FMNL2: variants seen among roughly 807,000 people sequenced by gnomAD.
FMNL2 encodes formin-like protein 2.
Under a neutral mutation model 130.2 loss-of-function variants are expected in FMNL2, and 51 were observed. The observed-to-expected ratio is 0.39, with a 90% CI of 0.31 to 0.49. The LOEUF (loss-of-function observed/expected upper bound fraction) is 0.49. Ranked by LOEUF, FMNL2 falls within the 20% of genes least tolerant of loss-of-function variation. The pLI is 0.85. For missense variants in FMNL2, 977 were observed against 1,316.2 expected (o/e 0.74, Z 3.99); for synonymous variants, 465 against 467.1 (o/e 1.00, Z 0.06).
rs140645684 is a variant in FMNL2, at chr2:152,471,076, C to T, written c.118-50867C>T. Among the ~76,000 whole-genome samples, 30 of 152,050 alleles carry T rather than the reference C, an allele frequency of 2.0e-4. 1 individual carries two copies. The East Asian group carries it at 4.6e-3, about 23-fold the overall frequency. ...GTTTGGCTTCACATAAGAGACCTCC[C>T]TTTCATGTCTAAAGAGGCAAGGAAT... On this transcript the variant is annotated intron_variant, in intron 1 of 25. Transcript: ENST00000288670.
chr2:152,426,765 G>A (rs1032425179), intron 1 of FMNL2, among the ~76,000 whole-genome samples: 1 of 151,962 alleles, frequency 6.6e-6, no homozygotes, highest in Non-Finnish European at 1.5e-5. Context: ...TAGAAAAGCT[G>A]TTTATAGCCT....
Position 152,619,555 on chromosome 2 carries a change from C to CA in FMNL2, c.1674_1675insA (p.Pro559ThrfsTer22). The CA allele has an allele frequency of 4.5e-6, 3 of 669,268 alleles. No individual in the cohort carries two copies. The highest frequency in any genetic ancestry group is 5.3e-5 in the African/African-American group (1 of 18,902). 41.5% of individuals were successfully genotyped at this position (669,268 alleles called of 1,614,324 possible). A position where few individuals can be genotyped will look rare whatever the true frequency, so the allele number is the denominator to read the frequency against. On this transcript the variant is annotated frameshift_variant, in exon 15 of 26. Coordinates refer to ENST00000288670, the MANE Select transcript of FMNL2 (RefSeq NM_052905.4). LOFTEE classifies it high-confidence loss of function. ...CACCTATGCCACCGCCGCCGCCGCCCCCTCCTCCACCTCCTCCTCCCCCAC... is the reference window on the plus strand; with the variant it reads ...CACCTATGCCACCGCCGCCGCCGCCCACCTCCTCCACCTCCTCCTCCCCCAC...
chr2:152,364,394 G>A (rs976079439), intron 1 of FMNL2, among the ~76,000 whole-genome samples: 6 of 150,694 alleles, frequency 4.0e-5, no homozygotes, highest in African/African-American at 1.2e-4. Context: ...CCTAAGGGGT[G>A]AATGAAAAGA....
intron 1 of FMNL2, among the ~76,000 whole-genome samples, chr2:152,372,315 T>G (rs972413039): frequency 1.3e-5 from 2 of 152,232 alleles, no homozygotes; most frequent in Non-Finnish European, 2.9e-5. Context: ...GTGTCAGATT[T>G]ATGTTTCCTA....
intron 6 of FMNL2, among the ~76,000 whole-genome samples, chr2:152,568,772 A>C (rs754675697): frequency 6.6e-6 from 1 of 152,138 alleles, no homozygotes; most frequent in Non-Finnish European, 1.5e-5. Context: ...TGAGAACAGC[A>C]TGGAGGTAAC....
chr2:152,423,280 C>T (rs947356025), intron 1 of FMNL2, among the ~76,000 whole-genome samples: 7 of 152,296 alleles, frequency 4.6e-5, no homozygotes, highest in East Asian at 1.9e-4. Flanking sequence ...TCATTGAATT[C>T]GTTGATTCCT....
chr2:152,381,755 C>T (rs528025919), intron 1 of FMNL2, among the ~76,000 whole-genome samples: 1 of 152,064 alleles, frequency 6.6e-6, no homozygotes, highest in African/African-American at 2.4e-5. Flanking sequence ...AAATGTACTG[C>T]TTTAAGAAAC....
At position 152,357,984 on chromosome 2, in the gene FMNL2, A is replaced by G. The variant is rs1419017748; in HGVS notation, c.117+22264A>G. ...TTAACATTTGAGTCAGTCAACTGGG[A>G]GAGGCAGATCCACCCTCAATCTGGG... On this transcript the variant is annotated intron_variant, in intron 1 of 25. Transcript: ENST00000288670. Among the ~76,000 whole-genome samples the G allele has an allele frequency of 2.0e-5, 3 of 152,158 alleles. No homozygotes were observed. In the East Asian group the frequency reaches 5.8e-4, roughly 29 times the overall value.
chr2:152,484,498 G>A (rs1301812568), intron 1 of FMNL2, among the ~76,000 whole-genome samples: 1 of 151,876 alleles, frequency 6.6e-6, no homozygotes, highest in East Asian at 1.9e-4. Context: ...ATAGCTGGAA[G>A]TGGTGGTGCC....
intron 1 of FMNL2, among the ~76,000 whole-genome samples, chr2:152,359,053 A>G (rs1027602848): frequency 6.6e-6 from 1 of 152,242 alleles, no homozygotes; most frequent in African/African-American, 2.4e-5. Flanking sequence ...ACATGGCACT[A>G]GATGTGAGTA....
At chr2:152,517,181 G>T (rs7600568) in intron 1 of FMNL2, among the ~76,000 whole-genome samples, 52,512 of 152,138 alleles carry the variant, frequency 0.35, 9,257 homozygotes, top group East Asian at 0.54. Flanking sequence ...TCCCCCGTGA[G>T]TTTTTTTTGG....
At chr2:152,502,853 G>A (rs1161459857) in intron 1 of FMNL2, among the ~76,000 whole-genome samples, 2 of 152,186 alleles carry the variant, frequency 1.3e-5, no homozygotes, top group African/African-American at 4.8e-5. Flanking sequence ...GACATACAAG[G>A]GGTGAGGCTA....
Position 152,636,422 on chromosome 2 carries a change from T to C in FMNL2, c.2681-5T>C, listed in dbSNP as rs766349554. The C allele has an allele frequency of 3.1e-6, 5 of 1,609,112 alleles. No homozygotes were observed. Among genetic ancestry groups the C allele is most frequent in the Middle Eastern group, 3.3e-4 (2 of 6,054 alleles). On this transcript the variant is annotated splice_region_variant and splice_polypyrimidine_tract_variant and intron_variant, in intron 21 of 25. Transcript: ENST00000288670. Reference sequence around the variant, plus strand: ...TTTCACTGGGATGTTCTTTCTCTGCTTTAGTCTCCCTTGAGAATGTTTTGC... The same window carrying C: ...TTTCACTGGGATGTTCTTTCTCTGCCTTAGTCTCCCTTGAGAATGTTTTGC...
intron 9 of FMNL2, among the ~76,000 whole-genome samples, chr2:152,581,990 A>C (rs1174757908): frequency 6.6e-6 from 1 of 152,158 alleles, no homozygotes; most frequent in Admixed American, 6.5e-5. Flanking sequence ...TTTATTGAGA[A>C]CCTACTATAT....
intron 1 of FMNL2, 28 bp downstream of exon 1, chr2:152,335,748 G>A: frequency 6.5e-7 from 1 of 1,528,780 alleles, no homozygotes; most frequent in Middle Eastern, 1.8e-4. Context: ...GTCGGGCGCG[G>A]GGACCCGGGG....
At chr2:152,390,158 C>A in intron 1 of FMNL2, 1 of 1,268,540 alleles carries the variant, frequency 7.9e-7, no homozygotes, top group Non-Finnish European at 1.2e-6. Flanking sequence ...CCAATTACTG[C>A]TGGACCCAGA....
chr2:152,360,904 G>A (rs16830971), intron 1 of FMNL2, among the ~76,000 whole-genome samples: 2 of 151,966 alleles, frequency 1.3e-5, no homozygotes, highest in Non-Finnish European at 2.9e-5. Context: ...CTGAAGAAAG[G>A]GTTTACTCTT....
At chr2:152,490,007 G>A (rs1301793988) in intron 1 of FMNL2, among the ~76,000 whole-genome samples, 1 of 152,158 alleles carries the variant, frequency 6.6e-6, no homozygotes, top group African/African-American at 2.4e-5. Context: ...TTTTTAATTA[G>A]CATCATGCAG....
At chr2:152,394,994 A>G (rs1685315196) in intron 1 of FMNL2, among the ~76,000 whole-genome samples, 1 of 152,174 alleles carries the variant, frequency 6.6e-6, no homozygotes, top group African/African-American at 2.4e-5. Flanking sequence ...AATAGATAGC[A>G]TGCTTTTATT....
Sources: gnomAD v4.1 joint callset for allele counts (sites outside exome capture counted in the v4.1 genomes callset) on GRCh38, gnomAD v4.1.1 for gene constraint, MANE v1.5 for transcripts, NCBI Gene and HGNC (gene_info 2026-07-23, HGNC 2026-07-21) for gene names.